FANCM: variants seen among roughly 807,000 people sequenced by gnomAD.
The protein encoded by FANCM is FA complementation group M.
In FANCM, 140 loss-of-function variants were observed where a neutral mutation model predicts 199.5. The ratio of observed to expected loss-of-function variants is 0.70; its 90% confidence interval spans 0.61 to 0.81. FANCM has a LOEUF of 0.81. Among genes scored for constraint, FANCM ranks in the 30% least tolerant of loss-of-function variants. FANCM has a pLI of 0.00. For missense variants in FANCM, 2,410 were observed against 2,421.4 expected (o/e 1.00, Z 0.10); for synonymous variants, 840 against 836.8 (o/e 1.00, Z -0.07).
At chr14:45,145,049 T>C (rs1308331550) in intron 3 of FANCM, among the ~76,000 whole-genome samples, 1 of 151,906 alleles carries the variant, frequency 6.6e-6, no homozygotes, top group African/African-American at 2.4e-5. Context: ...CAGCAGGTAA[T>C]GAATCTTGCC....
At position 45,175,145 on chromosome 14, in the gene FANCM, C is replaced by T. The variant is rs746027945; in HGVS notation, c.2391C>T (p.Pro797=). 9 of 1,611,602 alleles carry T rather than the reference C, an allele frequency of 5.6e-6. No homozygotes were observed. The South Asian group carries it at 9.9e-5, about 18-fold the overall frequency. Residue 797 remains proline, a synonymous_variant, in exon 14 of 23, where the codon CCC becomes CCT. Coordinates refer to ENST00000267430, the MANE Select transcript of FANCM (RefSeq NM_020937.4). ...MEDVTSTFIA[P]RNESNNLASD... is the part of the protein sequence containing the mutation. ...ATGTTACCTCAACATTTATTGCTCC[C>T]AGGAATGAATCTAATAATCTTGCCA... is the stretch of plus-strand genomic sequence containing the variant.
Position 45,148,852 on chromosome 14 carries a change from A to G in FANCM, c.775A>G (p.Ile259Val), listed in dbSNP as rs150256536. The G allele has an allele frequency of 1.2e-4, 187 of 1,609,070 alleles. No homozygotes were observed. The highest frequency in any genetic ancestry group is 1.5e-4 in the Non-Finnish European group (179 of 1,176,136). The change falls in exon 4 of 23, where the codon ATT (isoleucine) becomes GTT (valine). Residue 259 changes from isoleucine (I) to valine (V), a missense_variant. By Grantham distance (29) the Ile-to-Val change is conservative. Transcript: ENST00000267430. ...TTTCATATAGGCTGTGCAACAAGTT[A>G]TTACTAACCTGCTAATTGGGCAGAT... ...GSDIKAVQQVITNLLIGQIEL... is the reference protein window; with the variant it reads ...GSDIKAVQQVVTNLLIGQIEL...
chr14:45,140,577 C>G, intron 2 of FANCM, 55 bp from the exon 3 acceptor site: 1 of 913,908 alleles, frequency 1.1e-6, no homozygotes, highest in East Asian at 2.4e-5. Flanking sequence ...TTTAACAGAA[C>G]CACTGTTATT....
Position 45,136,305 on chromosome 14 carries a change from CG to C in FANCM, c.277del (p.Asp93ThrfsTer55). On this transcript the variant is annotated frameshift_variant, in exon 1 of 23. Coordinates refer to ENST00000267430, the MANE Select transcript of FANCM (RefSeq NM_020937.4). LOFTEE classifies it high-confidence loss of function. ...GATTTACCCTACCAATTGCCCAGTG[CG>C]GGACTACCAGCTGCACATTTCCCGG... Reference protein sequence around the residue: ...LWIYPTNCPVRDYQLHISRAA... With the variant: ...LWIYPTNCPVXDYQLHISRAA... 1 of 1,614,124 alleles carries C rather than the reference CG, an allele frequency of 6.2e-7. No homozygotes were observed. The highest frequency in any genetic ancestry group is 1.1e-5 in the South Asian group (1 of 91,082).
At chr14:45,164,319 A>T in intron 9 of FANCM, 40 bp from the exon 10 acceptor site, 1 of 1,468,918 alleles carries the variant, frequency 6.8e-7, no homozygotes, top group Non-Finnish European at 9.5e-7. Flanking sequence ...CAGTTCTCTT[A>T]CATTTGCATG....
chr14:45,142,817 T>G (rs932484373), intron 3 of FANCM, among the ~76,000 whole-genome samples: 2 of 152,090 alleles, frequency 1.3e-5, no homozygotes, highest in Non-Finnish European at 2.9e-5. Flanking sequence ...CCTTTTTTAC[T>G]TGTGTTGTAA....
At position 45,175,666 on chromosome 14, in the gene FANCM, G is replaced by A; in HGVS notation, c.2912G>A (p.Arg971Lys). The A allele has an allele frequency of 1.2e-6, 2 of 1,613,342 alleles. No homozygotes were observed. The highest frequency in any genetic ancestry group is 8.5e-7 in the Non-Finnish European group (1 of 1,179,516). Residue 971 changes from arginine to lysine, a missense_variant, in exon 14 of 23, where the codon AGA (arginine) becomes AAA (lysine). Coordinates refer to ENST00000267430, the MANE Select transcript of FANCM (RefSeq NM_020937.4). ...LPFEEELYIV[R>K]TDDQFYNCHS... ...TTCGAAGAAGAGCTTTATATTGTTA[G>A]AACAGATGACCAATTTTATAATTGT...
intron 8 of FANCM, among the ~76,000 whole-genome samples, chr14:45,157,480 AAG>A (rs1204249595): frequency 6.6e-6 from 1 of 152,182 alleles, no homozygotes; most frequent in African/African-American, 2.4e-5. Flanking sequence ...AAGCTGAAGA[AAG>A]AGACTATTTC....
chr14:45,167,438 A>C, intron 11 of FANCM: 1 of 393,736 alleles, frequency 2.5e-6, no homozygotes, highest in Non-Finnish European at 4.7e-6. Flanking sequence ...GAAAGAAAAC[A>C]GTTTTATTTT....
chr14:45,189,196 A>G lies in FANCM; in HGVS notation c.5174A>G (p.Asn1725Ser), dbSNP rs765200148. ...AAGGTGCGTTCTACTCCAAGAGTTA[A>G]TCCATTAGCAAAGCAGAGCAAACAG... is the stretch of plus-strand genomic sequence containing the variant. Reference protein sequence around the residue: ...QSKVRSTPRVNPLAKQSKQTS... With the variant: ...QSKVRSTPRVSPLAKQSKQTS... Residue 1725 changes from asparagine (N) to serine (S), a missense_variant, in exon 20 of 23, where the codon AAT becomes AGT. Coordinates refer to ENST00000267430, the MANE Select transcript of FANCM (RefSeq NM_020937.4). The G allele has an allele frequency of 1.9e-6, 3 of 1,614,158 alleles. No homozygotes were observed. The Admixed American group carries it at 5.0e-5, about 27-fold the overall frequency.
At chr14:45,140,457 T>C (rs552451542) in intron 2 of FANCM, among the ~76,000 whole-genome samples, 175 bp from the exon 3 acceptor site, 1 of 152,342 alleles carries the variant, frequency 6.6e-6, no homozygotes, top group South Asian at 2.1e-4. Context: ...GCATAGAGAA[T>C]AAACCTAAAT....
At chr14:45,158,547 A>G (rs1438373719) in intron 8 of FANCM, among the ~76,000 whole-genome samples, 1 of 152,042 alleles carries the variant, frequency 6.6e-6, no homozygotes, top group Non-Finnish European at 1.5e-5. Flanking sequence ...GACAGAATGC[A>G]TGGCTTGGAT....
intron 9 of FANCM, among the ~76,000 whole-genome samples, chr14:45,161,558 T>A (rs563909488): frequency 2.6e-5 from 4 of 152,222 alleles, no homozygotes; most frequent in Admixed American, 6.5e-5. Context: ...TTAGGCAGAT[T>A]GCTTGAGGCC....
chr14:45,159,418 C>A, intron 9 of FANCM, 138 bp downstream of exon 9: 1 of 611,672 alleles, frequency 1.6e-6, no homozygotes, highest in Non-Finnish European at 2.8e-6. Flanking sequence ...TAAAAATAAG[C>A]ATATTTTGAA....
At chr14:45,181,021 T>C (rs1482665226) in intron 14 of FANCM, 1 of 193,582 alleles carries the variant, frequency 5.2e-6, no homozygotes, top group Non-Finnish European at 1.1e-5. Flanking sequence ...GTTTTGTAGC[T>C]TGCATTTTTA....
chr14:45,172,237 C>G (rs1349875337), intron 12 of FANCM, among the ~76,000 whole-genome samples: 1 of 152,100 alleles, frequency 6.6e-6, no homozygotes, highest in Non-Finnish European at 1.5e-5. Context: ...TCTGTTTACT[C>G]TGCTGTGCAA....
rs116007386 is a variant in FANCM at position 45,144,955 on chromosome 14, G to A, written c.760-3882G>A. 3.5e-3 allele frequency among the ~76,000 whole-genome samples: 527 copies of A among 152,118 alleles called. 8 individuals carry two copies. The highest frequency in any genetic ancestry group is 0.012 in the African/African-American group (508 of 41,518). On this transcript the variant is annotated intron_variant, in intron 3 of 22. Transcript: ENST00000267430. The stretch of plus-strand genomic sequence containing the variant: ...ATGTGCTGGGTTTCACTGGAAGCCA[G>A]CATGTCTAAGAGTCTCACCCAAGGC...
intron 3 of FANCM, among the ~76,000 whole-genome samples, chr14:45,145,502 A>AAGT (rs1317273873): frequency 1.3e-5 from 2 of 152,132 alleles, no homozygotes; most frequent in Non-Finnish European, 2.9e-5. Flanking sequence ...TTTCACTGTG[A>AAGT]CAGAGCAACA....
chr14:45,173,306 T>A, intron 13 of FANCM, 96 bp downstream of exon 13: 2 of 1,123,570 alleles, frequency 1.8e-6, no homozygotes, highest in African/African-American at 1.5e-5. Context: ...AGAAATACTT[T>A]GTTTTTCTGT....
Sources: gnomAD v4.1 joint callset for allele counts (sites outside exome capture counted in the v4.1 genomes callset) on GRCh38, gnomAD v4.1.1 for gene constraint, MANE v1.5 for transcripts, NCBI Gene and HGNC (gene_info 2026-07-23, HGNC 2026-07-21) for gene names.